LARS2: variants seen among roughly 807,000 people sequenced by gnomAD.
LARS2 encodes the protein leucine--tRNA ligase, mitochondrial.
Under a neutral mutation model 116.6 loss-of-function variants are expected in LARS2, and 81 were observed. That is an observed-to-expected ratio of 0.69 (90% CI 0.58 to 0.84). The LOEUF (loss-of-function observed/expected upper bound fraction) is 0.84, where lower values mean the gene tolerates loss of function less well. Among genes scored for constraint, LARS2 ranks in the 40% least tolerant of loss-of-function variants. LARS2 has a pLI of 0.00. For missense variants in LARS2, 968 were observed against 1,114.5 expected, an observed-to-expected ratio of 0.87 and a Z score of 1.87; for synonymous variants, 396 against 407.2, an observed-to-expected ratio of 0.97 and a Z score of 0.33.
At chr3:45,394,386 G>A (rs187923629) in intron 2 of LARS2, 47 bp from the exon 3 acceptor site, 29 of 1,040,940 alleles carry the variant, frequency 2.8e-5, no homozygotes. Context: ...TAAGCTCTGG[G>A]GAGGGTTTGA....
intron 6 of LARS2, chr3:45,421,222 A>G (rs982367871): frequency 6.6e-6 from 1 of 152,188 alleles, no homozygotes; most frequent in African/African-American, 2.4e-5. Context: ...CTGAAAACTG[A>G]AAGTTTTTTC....
At chr3:45,406,490 A>G (rs1698233797) in intron 4 of LARS2, among the ~76,000 whole-genome samples, 1 of 152,176 alleles carries the variant, frequency 6.6e-6, no homozygotes, top group Non-Finnish European at 1.5e-5. Context: ...AAATGAGAAG[A>G]AAACTAAAGG....
rs780088018 is a variant in LARS2 at position 45,446,947 on chromosome 3, A to G, written c.573A>G (p.Lys191=). The change falls in exon 7 of 22, where the codon AAA becomes AAG. Residue 191 remains lysine (K), a synonymous_variant. Transcript: ENST00000645846. ...YYKWTQYLFI[K]LYEAGLAYQK... is the part of the protein sequence containing the mutation. ...AGTGGACTCAGTATCTCTTTATTAA[A>G]CTGTATGAGGCTGGGCTGGCCTATC... 1.2e-6 allele frequency: 2 copies of G among 1,610,210 alleles called. No individual in the cohort carries two copies. The highest frequency in any genetic ancestry group is 1.7e-6 in the Non-Finnish European group (2 of 1,177,230).
At chr3:45,513,667 G>A (rs937398431) in intron 16 of LARS2, among the ~76,000 whole-genome samples, 4 of 152,036 alleles carry the variant, frequency 2.6e-5, no homozygotes, top group Non-Finnish European at 5.9e-5. Context: ...GCAGCACTCG[G>A]TTTACTCGTA....
intron 6 of LARS2, among the ~76,000 whole-genome samples, chr3:45,439,645 GT>G: frequency 7.1e-6 from 1 of 141,524 alleles, no homozygotes; most frequent in East Asian, 2.1e-4. Flanking sequence ...TTTTATGTTT[GT>G]TTTGTGAAAA....
intron 4 of LARS2, among the ~76,000 whole-genome samples, chr3:45,406,220 A>G (rs9861724): frequency 0.047 from 7,154 of 152,142 alleles, 445 homozygotes; most frequent in African/African-American, 0.14. Context: ...TTGGCATCCA[A>G]CCATTTATGC....
At chr3:45,523,373 T>G (rs1010822841) in intron 19 of LARS2, among the ~76,000 whole-genome samples, 2 of 151,968 alleles carry the variant, frequency 1.3e-5, no homozygotes, top group African/African-American at 4.8e-5. Context: ...CCTAGCAGAG[T>G]GGGTAAGAGT....
chr3:45,484,630 A>AAAAAAAAAAAAAATAT (rs1553634443), intron 10 of LARS2, among the ~76,000 whole-genome samples: 1 of 9,738 alleles, frequency 1.0e-4, no homozygotes, highest in African/African-American at 1.8e-4. Context: ...AAAAAAAAAA[A>AAAAAAAAAAAAAATAT]ATATATATAT....
intron 4 of LARS2, among the ~76,000 whole-genome samples, chr3:45,415,896 G>T (rs1171288559): frequency 0.09 from 7,252 of 80,654 alleles, 814 homozygotes; most frequent in African/African-American, 0.3. Context: ...GAGAGAGGGA[G>T]AGAGAGAGAG....
chr3:45,410,898 T>C (rs1190084522), intron 4 of LARS2, among the ~76,000 whole-genome samples: 1 of 152,184 alleles, frequency 6.6e-6, no homozygotes, highest in East Asian at 1.9e-4. Flanking sequence ...ACAGAACAGT[T>C]TCCTAGAAGG....
At chr3:45,532,049 A>G (rs2578669) in intron 20 of LARS2, among the ~76,000 whole-genome samples, 78,261 of 152,180 alleles carry the variant, frequency 0.51, 24,046 homozygotes, top group East Asian at 0.78. Flanking sequence ...TATGATCAGC[A>G]AATAAGGATG....
At chr3:45,515,080 G>C (rs1028751631) in intron 16 of LARS2, among the ~76,000 whole-genome samples, 6 of 152,218 alleles carry the variant, frequency 3.9e-5, no homozygotes, top group African/African-American at 1.4e-4. Context: ...GTTGGAATCA[G>C]AGATTATTTG....
chr3:45,466,383 C>T (rs533444715), intron 8 of LARS2, among the ~76,000 whole-genome samples: 50 of 152,206 alleles, frequency 3.3e-4, no homozygotes, highest in African/African-American at 1.2e-3. Context: ...GCATTTAGCT[C>T]GGGTCTCTTT....
At chr3:45,543,838 C>T (rs1314138502) in intron 21 of LARS2, among the ~76,000 whole-genome samples, 3 of 152,176 alleles carry the variant, frequency 2.0e-5, no homozygotes, top group Non-Finnish European at 4.4e-5. Flanking sequence ...AGAACTTGTC[C>T]TCAGCCCGGT....
intron 4 of LARS2, among the ~76,000 whole-genome samples, chr3:45,415,896 GAGA>G (rs1559461421): frequency 0.17 from 13,584 of 80,856 alleles, 955 homozygotes; most frequent in South Asian, 0.22. Context: ...GAGAGAGGGA[GAGA>G]GAGAGAGAGA....
chr3:45,432,273 T>C (rs1422926198), intron 6 of LARS2, among the ~76,000 whole-genome samples: 2 of 152,020 alleles, frequency 1.3e-5, no homozygotes, highest in Non-Finnish European at 2.9e-5. Flanking sequence ...AGTAAGGAAA[T>C]AGGGGACTTG....
chr3:45,517,345 A>G (rs1700383432), intron 17 of LARS2, among the ~76,000 whole-genome samples: 1 of 152,194 alleles, frequency 6.6e-6, no homozygotes, highest in African/African-American at 2.4e-5. Flanking sequence ...CCACCAGGTA[A>G]AGCCATTCAG....
intron 10 of LARS2, among the ~76,000 whole-genome samples, chr3:45,483,589 C>T (rs937848987): frequency 7.9e-5 from 12 of 152,088 alleles, no homozygotes; most frequent in African/African-American, 2.9e-4. Flanking sequence ...GCAGAGGTTG[C>T]AGTGAGCTGA....
At chr3:45,525,850 G>A (rs146934432) in intron 20 of LARS2, among the ~76,000 whole-genome samples, 13 of 152,120 alleles carry the variant, frequency 8.5e-5, no homozygotes, top group Admixed American at 2.6e-4. Flanking sequence ...TCTGGAATTC[G>A]GGAAGTCCTT....
Sources: gnomAD v4.1 joint callset for allele counts (sites outside exome capture counted in the v4.1 genomes callset) on GRCh38, gnomAD v4.1.1 for gene constraint, MANE v1.5 for transcripts, NCBI Gene and HGNC (gene_info 2026-07-23, HGNC 2026-07-21) for gene names.